The following MECOM variants were observed in gnomAD, a reference collection of about 807,000 sequenced individuals.
The protein encoded by MECOM is histone-lysine N-methyltransferase MECOM.
MECOM carries 13 observed loss-of-function variants against 116.3 expected under a neutral mutation model. That is an observed-to-expected ratio of 0.11 (90% CI 0.07 to 0.18). The LOEUF is 0.18. Ranked by LOEUF, MECOM falls within the 10% of genes least tolerant of loss-of-function variation. The pLI is 1.00. For missense variants in MECOM, 1,299 were observed against 1,509.0 expected (o/e 0.86, Z 2.31); for synonymous variants, 528 against 535.2 (o/e 0.99, Z 0.19).
At chr3:169,451,519 C>T (rs1745597063) in intron 1 of MECOM, among the ~76,000 whole-genome samples, 2 of 152,156 alleles carry the variant, frequency 1.3e-5, no homozygotes, top group East Asian at 3.8e-4. Context: ...TTTAACACTA[C>T]ATATATCTCC....
intron 1 of MECOM, among the ~76,000 whole-genome samples, chr3:169,570,794 C>T (rs1660136877): frequency 6.6e-6 from 1 of 152,156 alleles, no homozygotes; most frequent in African/African-American, 2.4e-5. Flanking sequence ...CAACACCCCT[C>T]ATGATAAAAA....
chr3:169,337,877 T>C (rs1245980718), intron 2 of MECOM, among the ~76,000 whole-genome samples: 2 of 152,142 alleles, frequency 1.3e-5, no homozygotes, highest in African/African-American at 4.8e-5. Flanking sequence ...ACTCAGCCAT[T>C]ACAGGAAAAT....
chr3:169,166,018 C>A (rs1190772886), intron 2 of MECOM, among the ~76,000 whole-genome samples: 2 of 152,122 alleles, frequency 1.3e-5, no homozygotes, highest in African/African-American at 4.8e-5. Flanking sequence ...GAATTCCACT[C>A]TTCACTGAAG....
chr3:169,509,310 C>G (rs990478354), intron 1 of MECOM, among the ~76,000 whole-genome samples: 5 of 152,168 alleles, frequency 3.3e-5, no homozygotes, highest in Non-Finnish European at 7.3e-5. Context: ...ATTTTTCTAT[C>G]ACCACTTCAA....
chr3:169,596,746 C>T (rs530243109), intron 1 of MECOM, among the ~76,000 whole-genome samples: 13 of 152,086 alleles, frequency 8.5e-5, no homozygotes, highest in Non-Finnish European at 1.5e-4. Context: ...TTAGTGTTTC[C>T]AGTTAGCAAC....
At chr3:169,293,305 T>C (rs1277744057) in intron 2 of MECOM, among the ~76,000 whole-genome samples, 2 of 152,176 alleles carry the variant, frequency 1.3e-5, no homozygotes, top group African/African-American at 4.8e-5. Context: ...TCTCCTGGCT[T>C]CCCATCACAT....
chr3:169,617,120 G>T (rs1246734039), intron 1 of MECOM, among the ~76,000 whole-genome samples: 1 of 152,066 alleles, frequency 6.6e-6, no homozygotes, highest in Non-Finnish European at 1.5e-5. Context: ...TTTAAGATAT[G>T]GGAGTGGCTT....
intron 1 of MECOM, among the ~76,000 whole-genome samples, chr3:169,477,447 T>C (rs1750660572): frequency 6.6e-6 from 1 of 152,064 alleles, no homozygotes; most frequent in Non-Finnish European, 1.5e-5. Flanking sequence ...AAGAGAATTT[T>C]TTTCTGAGTC....
chr3:169,086,096 C>T (rs1246393230), intron 16 of MECOM, among the ~76,000 whole-genome samples: 1 of 152,110 alleles, frequency 6.6e-6, no homozygotes, highest in Non-Finnish European at 1.5e-5. Flanking sequence ...GTAATCATTG[C>T]ATTTAGTTAG....
At chr3:169,223,518 G>A (rs1418609351) in intron 2 of MECOM, among the ~76,000 whole-genome samples, 1 of 151,622 alleles carries the variant, frequency 6.6e-6, no homozygotes, top group Non-Finnish European at 1.5e-5. Context: ...TTTAACAGGA[G>A]GTTTGAAGAT....
intron 1 of MECOM, among the ~76,000 whole-genome samples, chr3:169,566,685 C>G (rs548786172): frequency 6.6e-6 from 1 of 152,268 alleles, no homozygotes; most frequent in African/African-American, 2.4e-5. Flanking sequence ...CACAGATCAC[C>G]CTGGCAACCC....
At chr3:169,244,731 TG>T (rs1167889945) in intron 2 of MECOM, among the ~76,000 whole-genome samples, 1 of 152,204 alleles carries the variant, frequency 6.6e-6, no homozygotes, top group Non-Finnish European at 1.5e-5. Context: ...ATGGTGTTGT[TG>T]GTTTTGACTT....
chr3:169,229,227 G>A (rs1753095118), intron 2 of MECOM, among the ~76,000 whole-genome samples: 1 of 152,210 alleles, frequency 6.6e-6, no homozygotes, highest in South Asian at 2.1e-4. Flanking sequence ...CCTTAGGCCT[G>A]TTGGGACTGT....
At chr3:169,571,055 CTGTT>C (rs1763830656) in intron 1 of MECOM, among the ~76,000 whole-genome samples, 1 of 152,168 alleles carries the variant, frequency 6.6e-6, no homozygotes, top group Admixed American at 6.5e-5. Flanking sequence ...CAAATGGTCT[CTGTT>C]TGCAGATGAC....
chr3:169,445,947 TC>T (rs1247980251), intron 1 of MECOM, among the ~76,000 whole-genome samples: 1 of 152,186 alleles, frequency 6.6e-6, no homozygotes, highest in Admixed American at 6.5e-5. Flanking sequence ...GGCCAGTTTC[TC>T]CCATTTGGAA....
intron 2 of MECOM, among the ~76,000 whole-genome samples, chr3:169,284,572 C>T (rs953818736): frequency 3.8e-5 from 5 of 131,006 alleles, no homozygotes; most frequent in African/African-American, 9.7e-5. Flanking sequence ...TATATGAGCG[C>T]ACACACACAC....
chr3:169,218,336 T>A (rs1751677949), intron 2 of MECOM, among the ~76,000 whole-genome samples: 1 of 152,140 alleles, frequency 6.6e-6, no homozygotes, highest in Admixed American at 6.5e-5. Context: ...TGCAGTAGAA[T>A]TTTTGAAATC....
intron 1 of MECOM, among the ~76,000 whole-genome samples, chr3:169,620,270 A>G (rs1577141814): frequency 6.6e-6 from 1 of 152,228 alleles, no homozygotes; most frequent in Admixed American, 6.5e-5. Flanking sequence ...CCATAATGCC[A>G]TATTAGGCAA....
intron 2 of MECOM, among the ~76,000 whole-genome samples, chr3:169,212,640 A>G (rs1303231032): frequency 1.1e-4 from 1 of 8,800 alleles, no homozygotes; most frequent in East Asian, 4.4e-3. Flanking sequence ...AGCAATGTAT[A>G]TATATATATA....
Sources: allele counts gnomAD v4.1 joint callset (sites outside exome capture counted in the v4.1 genomes callset), GRCh38; gene constraint gnomAD v4.1.1; transcripts MANE v1.5; gene names NCBI Gene and HGNC (gene_info 2026-07-23, HGNC 2026-07-21).